Variants in MOGAT1 observed in about 807,000 individuals in gnomAD.
MOGAT1 encodes the protein 2-acylglycerol O-acyltransferase 1.
MOGAT1 carries 32 observed loss-of-function variants against 31.4 expected under a neutral mutation model. The observed-to-expected ratio is 1.02, with a 90% CI of 0.77 to 1.37. MOGAT1 has a LOEUF of 1.37. Ranked by LOEUF, MOGAT1 falls within the 40% of genes most tolerant of loss-of-function variation. The pLI is 0.00. For synonymous variants in MOGAT1, 145 were observed against 144.5 expected (o/e 1.00, Z -0.03); for missense variants, 426 against 402.0 (o/e 1.06, Z -0.51).
chr2:222,709,762 A>T lies in MOGAT1; in HGVS notation c.880A>T (p.Thr294Ser). ...TGGCCGCCCGATCCCTGTTCGTCAG[A>T]CTCTGAACCCGACCCAGGAGCAGAT... Reference protein sequence around the residue: ...VVGRPIPVRQTLNPTQEQIEE... With the variant: ...VVGRPIPVRQSLNPTQEQIEE... Residue 294 changes from threonine (T) to serine (S), a missense_variant, in exon 6 of 6, where the codon ACT becomes TCT. By Grantham distance (58) the Thr-to-Ser change is moderately conservative. Coordinates refer to ENST00000446656, the MANE Select transcript of MOGAT1 (RefSeq NM_058165.3). The T allele has an allele frequency of 6.2e-7, 1 of 1,612,834 alleles. No individual in the cohort carries two copies. Among genetic ancestry groups the T allele is most frequent in the South Asian group, 1.1e-5 (1 of 90,934 alleles).
At chr2:222,700,516 C>T (rs957575777) in intron 5 of MOGAT1, among the ~76,000 whole-genome samples, 35 of 152,286 alleles carry the variant, frequency 2.3e-4, no homozygotes, top group East Asian at 3.9e-4. Flanking sequence ...CTCAATATCC[C>T]GTTGTTGTTT....
In MOGAT1 at chr2:222,709,775, C is replaced by T; in HGVS notation, c.893C>T (p.Thr298Ile). 1 of 1,613,320 alleles carries T rather than the reference C, an allele frequency of 6.2e-7. No homozygotes were observed. Among genetic ancestry groups the T allele is most frequent in the Middle Eastern group, 1.7e-4 (1 of 6,058 alleles). ...CCTGTTCGTCAGACTCTGAACCCGA[C>T]CCAGGAGCAGATTGAGGAGTTACAT... is the stretch of plus-strand genomic sequence containing the variant. ...PIPVRQTLNP[T>I]QEQIEELHQT... The change falls in exon 6 of 6, where the codon ACC becomes ATC. Residue 298 changes from threonine (T) to isoleucine (I), a missense_variant. Transcript: ENST00000446656.
intron 1 of MOGAT1, among the ~76,000 whole-genome samples, chr2:222,681,876 C>A (rs1467299080): frequency 6.6e-6 from 1 of 152,072 alleles, no homozygotes. Context: ...AAATTACAAC[C>A]GTTTTAGGAG....
chr2:222,686,851 A>G (rs60051260), intron 1 of MOGAT1, among the ~76,000 whole-genome samples: 59,477 of 152,026 alleles, frequency 0.39, 12,870 homozygotes, highest in African/African-American at 0.59. Context: ...TGTGGCTGAC[A>G]CCTGTAATCC....
rs1553562912 is a variant in MOGAT1, at chr2:222,701,299, G to GGAGA, written c.853+6038_853+6041dup. Reference sequence around the variant, plus strand: ...AAGAGAGAGAGAGAGAGGAGGAGGAGGAGAGAGAGAGAGAGAGAGAGAGAG... The same window carrying GGAGA: ...AAGAGAGAGAGAGAGAGGAGGAGGAGGAGAGAGAGAGAGAGAGAGAGAGAGAGAG... On this transcript the variant is annotated intron_variant, in intron 5 of 5. Transcript: ENST00000446656. 4.3e-3 allele frequency among the ~76,000 whole-genome samples: 392 copies of GGAGA among 90,528 alleles called. 5 individuals carry two copies. Among genetic ancestry groups the GGAGA allele is most frequent in the East Asian group, 0.011 (45 of 4,238 alleles). 59.4% of individuals were successfully genotyped at this position (90,528 alleles called of 152,430 possible). A position where few individuals can be genotyped will look rare whatever the true frequency, so the allele number is the denominator to read the frequency against.
intron 5 of MOGAT1, 95 bp from the exon 6 acceptor site, chr2:222,709,641 G>A: frequency 1.8e-6 from 2 of 1,134,238 alleles, no homozygotes; most frequent in Non-Finnish European, 2.5e-6. Context: ...GAGGGATTCT[G>A]ATTGGCAGTT....
chr2:222,685,598 C>CTTTTTT (rs574124301), intron 1 of MOGAT1, among the ~76,000 whole-genome samples: 67 of 119,954 alleles, frequency 5.6e-4, no homozygotes, highest in Non-Finnish European at 7.1e-4. Context: ...TCTTCTTCTT[C>CTTTTTT]TTTTTTTTTT....
chr2:222,681,308 T>C (rs773603894), intron 1 of MOGAT1, among the ~76,000 whole-genome samples: 1 of 152,238 alleles, frequency 6.6e-6, no homozygotes, highest in African/African-American at 2.4e-5. Flanking sequence ...TTCTGACGGC[T>C]ACAAATTGAG....
intron 1 of MOGAT1, among the ~76,000 whole-genome samples, chr2:222,686,084 CATCTTTGTAGAA>C (rs1417641691): frequency 6.6e-6 from 1 of 152,124 alleles, no homozygotes; most frequent in Non-Finnish European, 1.5e-5. Flanking sequence ...TCAGTTTTTC[CATCTTTGTAGAA>C]AGGAAAACAG....
rs530899839 is a variant in MOGAT1 at position 222,701,650 on chromosome 2, G to GAAGA, written c.853+6367_853+6370dup. Among the ~76,000 whole-genome samples the GAAGA allele has an allele frequency of 7.1e-3, 902 of 126,962 alleles. 5 individuals carry two copies. The highest frequency in any genetic ancestry group is 0.012 in the Non-Finnish European group (743 of 62,980). The allele number at this position is 126,962 out of a possible 152,430, so 83.3% of individuals were successfully genotyped here. On this transcript the variant is annotated intron_variant, in intron 5 of 5. Coordinates refer to ENST00000446656, the MANE Select transcript of MOGAT1 (RefSeq NM_058165.3). ...AAGGACGTCGGGAAGGAAAGAGAAA[G>GAAGA]AAGAAAGAGAGAGAGATAAAGAGAA...
In MOGAT1 at chr2:222,671,768, T is replaced by C. The variant is rs766718950; in HGVS notation, c.-18T>C. The C allele has an allele frequency of 6.5e-7, 1 of 1,547,360 alleles. No homozygotes were observed. The highest frequency in any genetic ancestry group is 1.2e-5 in the South Asian group (1 of 83,878). On this transcript the variant is annotated 5_prime_UTR_variant, in exon 1 of 6. Transcript: ENST00000446656. ...GTGCAGGCTGCAGTGGCTGGCGCCG[T>C]CCTCGCCCGGCCAGGCCATGAAGGT...
At chr2:222,681,270 A>G (rs1692576767) in intron 1 of MOGAT1, among the ~76,000 whole-genome samples, 1 of 152,144 alleles carries the variant, frequency 6.6e-6, no homozygotes, top group African/African-American at 2.4e-5. Flanking sequence ...GATGCCAACC[A>G]CAAGTCCAGG....
At chr2:222,676,788 T>C (rs1331598346) in intron 1 of MOGAT1, among the ~76,000 whole-genome samples, 1 of 152,234 alleles carries the variant, frequency 6.6e-6, no homozygotes, top group Non-Finnish European at 1.5e-5. Flanking sequence ...TTTCTTGTGA[T>C]ACTGATCAAT....
In MOGAT1 at chr2:222,694,502, C is replaced by T. The variant is rs756613353; in HGVS notation, c.619C>T (p.Arg207Trp). ...PGKFTLFIRQ[R>W]KGFVKIALTH... is the part of the protein sequence containing the mutation. ...AAAGTTCACTCTGTTCATCCGCCAG[C>T]GGAAAGGATTTGTTAAAATTGCTTT... The change falls in exon 4 of 6, where the codon CGG (arginine) becomes TGG (tryptophan). Residue 207 changes from arginine to tryptophan, a missense_variant. Coordinates refer to ENST00000446656, the MANE Select transcript of MOGAT1 (RefSeq NM_058165.3). The T allele has an allele frequency of 7.6e-5, 122 of 1,613,590 alleles. No individual in the cohort carries two copies. Among genetic ancestry groups the T allele is most frequent in the Non-Finnish European group, 1.0e-4 (118 of 1,179,762 alleles).
intron 1 of MOGAT1, 96 bp downstream of exon 1, chr2:222,671,975 C>T: frequency 9.9e-7 from 1 of 1,014,898 alleles, no homozygotes; most frequent in Non-Finnish European, 1.5e-6. Context: ...TTCCAACCCT[C>T]GTTCCCCTGT....
intron 5 of MOGAT1, among the ~76,000 whole-genome samples, chr2:222,705,844 T>C (rs1181948884): frequency 6.6e-6 from 1 of 152,198 alleles, no homozygotes; most frequent in Non-Finnish European, 1.5e-5. Flanking sequence ...CAATAGCAGG[T>C]TGTTTTCCAC....
In MOGAT1 at chr2:222,694,392, C is replaced by A. The variant is rs142425542; in HGVS notation, c.509C>A (p.Ser170Tyr). The A allele has an allele frequency of 7.4e-4, 1,191 of 1,613,072 alleles. 10 individuals carry two copies. In the African/African-American group the frequency reaches 0.014, roughly 19 times the overall value. Residue 170 changes from serine (S) to tyrosine (Y), a missense_variant, in exon 4 of 6, where the codon TCC becomes TAC. Physicochemically the swap from Ser to Tyr is moderately radical, Grantham distance 144 (BLOSUM62 -2). Transcript: ENST00000446656. ...GLVSVSKKSV[S>Y]YMVSKEGGGN... ...GTTTCAGTTTCCAAGAAAAGTGTGT[C>A]CTACATGGTAAGCAAGGAGGGAGGT...
chr2:222,683,652 C>T (rs1001268935), intron 1 of MOGAT1, among the ~76,000 whole-genome samples: 5 of 150,442 alleles, frequency 3.3e-5, no homozygotes, highest in South Asian at 2.1e-4. Flanking sequence ...CACTTGAACT[C>T]GGGAGGTGGA....
chr2:222,705,762 C>T (rs1411770296), intron 5 of MOGAT1, among the ~76,000 whole-genome samples: 3 of 151,992 alleles, frequency 2.0e-5, no homozygotes, highest in Non-Finnish European at 2.9e-5. Context: ...AGTAGACCCT[C>T]GATAAATAAT....
Sources: allele counts gnomAD v4.1 joint callset (sites outside exome capture counted in the v4.1 genomes callset), GRCh38; gene constraint gnomAD v4.1.1; transcripts MANE v1.5; gene names NCBI Gene and HGNC (gene_info 2026-07-23, HGNC 2026-07-21).